MND1: variants seen among roughly 807,000 people sequenced by gnomAD.
MND1 encodes meiotic nuclear divisions 1, also known as meiotic nuclear division protein 1 homolog.
A neutral mutation model predicts 35.1 loss-of-function variants in MND1; 28 were observed. The ratio of observed to expected loss-of-function variants is 0.80; its 90% CI spans 0.59 to 1.09. The LOEUF (loss-of-function observed/expected upper bound fraction) is 1.09, where lower values mean the gene tolerates loss of function less well. Among genes scored for constraint, MND1 ranks in the 50% least tolerant of loss-of-function variants. The probability of loss-of-function intolerance (pLI) is 0.00; values close to 1 mark genes in which losing one functional copy is unlikely to be tolerated. For missense variants in MND1, 213 were observed against 239.6 expected, an observed-to-expected ratio of 0.89 and a Z score of 0.73; for synonymous variants, 69 against 70.5, an observed-to-expected ratio of 0.98 and a Z score of 0.11.
intron 4 of MND1, among the ~76,000 whole-genome samples, chr4:153,380,485 A>G (rs940459584): frequency 5.3e-5 from 8 of 152,156 alleles, no homozygotes; most frequent in Non-Finnish European, 1.0e-4. Context: ...TTTATGTCTT[A>G]TTGGCCAGAT....
At chr4:153,414,430 C>T (rs1320279148) in intron 7 of MND1, among the ~76,000 whole-genome samples, 6 of 151,788 alleles carry the variant, frequency 4.0e-5, no homozygotes, top group Admixed American at 6.6e-5. Context: ...TACAGGTGCC[C>T]GCCACCAACC....
chr4:153,405,289 G>A lies in MND1; in HGVS notation c.467-3682G>A, dbSNP rs1487190728. On this transcript the variant is annotated intron_variant, in intron 6 of 7. Coordinates refer to ENST00000240488, the MANE Select transcript of MND1 (RefSeq NM_032117.4). ...ATGGTAGTGGTATGAGAATAGACAT[G>A]CACACTTCGGGAAGCTGAGGCGGGT... Among the ~76,000 whole-genome samples the A allele has an allele frequency of 3.9e-5, 6 of 152,032 alleles. No individual in the cohort carries two copies. The East Asian group carries it at 9.7e-4, about 24-fold the overall frequency.
intron 4 of MND1, among the ~76,000 whole-genome samples, chr4:153,365,420 T>G (rs997797314): frequency 6.6e-6 from 1 of 152,186 alleles, no homozygotes; most frequent in African/African-American, 2.4e-5. Flanking sequence ...TACCACTATC[T>G]GTTGTGTGTT....
intron 4 of MND1, among the ~76,000 whole-genome samples, chr4:153,365,177 C>A (rs1773597091): frequency 6.6e-6 from 1 of 151,506 alleles, no homozygotes; most frequent in African/African-American, 2.4e-5. Context: ...GCCTGGGTCA[C>A]GTGTCCACAC....
At chr4:153,376,957 A>G (rs1728527964) in intron 4 of MND1, among the ~76,000 whole-genome samples, 1 of 152,184 alleles carries the variant, frequency 6.6e-6, no homozygotes, top group Non-Finnish European at 1.5e-5. Flanking sequence ...CTTAACAAAA[A>G]CCTTATACTA....
intron 1 of MND1, among the ~76,000 whole-genome samples, chr4:153,349,826 T>C (rs377244295): frequency 6.6e-6 from 1 of 152,242 alleles, no homozygotes; most frequent in Non-Finnish European, 1.5e-5. Flanking sequence ...GTTTACTTTA[T>C]AAATGCTGAA....
intron 6 of MND1, among the ~76,000 whole-genome samples, chr4:153,404,362 T>TC (rs1382841828): frequency 7.2e-6 from 1 of 139,250 alleles, no homozygotes; most frequent in Non-Finnish European, 1.5e-5. Context: ...TTTTTTTTTT[T>TC]CTGTATTTTT....
intron 6 of MND1, among the ~76,000 whole-genome samples, chr4:153,399,889 GATTTTT>G (rs1561077476): frequency 1.5e-4 from 19 of 123,674 alleles, no homozygotes; most frequent in African/African-American, 5.3e-4. Flanking sequence ...TTTTCAGTGA[GATTTTT>G]TTTTTTTTTT....
At chr4:153,402,850 A>C (rs1561078699) in intron 6 of MND1, among the ~76,000 whole-genome samples, 2 of 152,244 alleles carry the variant, frequency 1.3e-5, no homozygotes, top group Non-Finnish European at 2.9e-5. Context: ...CAAACAGTAG[A>C]CTAATCAAAA....
At chr4:153,378,908 A>G (rs1290716357) in intron 4 of MND1, among the ~76,000 whole-genome samples, 1 of 152,198 alleles carries the variant, frequency 6.6e-6, no homozygotes, top group African/African-American at 2.4e-5. Context: ...ATAAGTGTCT[A>G]TAGATTAAAC....
intron 4 of MND1, among the ~76,000 whole-genome samples, chr4:153,374,592 A>T (rs1728444667): frequency 6.6e-6 from 1 of 151,706 alleles, no homozygotes; most frequent in Non-Finnish European, 1.5e-5. Flanking sequence ...ACTTCCCTTG[A>T]GTTTCTTGTT....
At chr4:153,355,230 G>T (rs757311682) in intron 2 of MND1, among the ~76,000 whole-genome samples, 11 of 152,080 alleles carry the variant, frequency 7.2e-5, no homozygotes, top group Non-Finnish European at 1.5e-4. Context: ...TCTATTGAAG[G>T]TATGGAATGA....
At chr4:153,370,254 C>T (rs1439127960) in intron 4 of MND1, among the ~76,000 whole-genome samples, 1 of 151,968 alleles carries the variant, frequency 6.6e-6, no homozygotes, top group Non-Finnish European at 1.5e-5. Flanking sequence ...TGCGCTCCAG[C>T]CTGGGTAACA....
intron 2 of MND1, among the ~76,000 whole-genome samples, chr4:153,350,615 A>G (rs1773190489): frequency 6.6e-6 from 1 of 152,130 alleles, no homozygotes; most frequent in South Asian, 2.1e-4. Context: ...TTTATTCCAG[A>G]TATTTGTGCC....
intron 2 of MND1, among the ~76,000 whole-genome samples, chr4:153,350,797 C>T (rs552142467): frequency 2.6e-5 from 4 of 152,100 alleles, no homozygotes; most frequent in South Asian, 2.1e-4. Flanking sequence ...AAAAGAACAC[C>T]GACTTCATAT....
chr4:153,360,257 T>C (rs1212402840), intron 4 of MND1, among the ~76,000 whole-genome samples: 4 of 152,244 alleles, frequency 2.6e-5, no homozygotes, highest in Non-Finnish European at 5.9e-5. Flanking sequence ...AGATTTCCTC[T>C]GAGTCTGTGA....
chr4:153,366,265 C>A (rs79964729), intron 4 of MND1, among the ~76,000 whole-genome samples: 1 of 152,158 alleles, frequency 6.6e-6, no homozygotes, highest in Non-Finnish European at 1.5e-5. Context: ...ATCTCAAGAT[C>A]TTGAATCCCA....
At chr4:153,370,632 G>A (rs537971302) in intron 4 of MND1, among the ~76,000 whole-genome samples, 15 of 152,122 alleles carry the variant, frequency 9.9e-5, no homozygotes, top group African/African-American at 3.6e-4. Context: ...TGATTCTCTG[G>A]TCTCAGCCTC....
At chr4:153,353,555 G>A (rs1031229378) in intron 2 of MND1, among the ~76,000 whole-genome samples, 1 of 150,354 alleles carries the variant, frequency 6.7e-6, no homozygotes, top group East Asian at 1.9e-4. Context: ...TATGTTTTGC[G>A]ATTATTTTAA....
Sources: gnomAD v4.1 joint callset for allele counts (sites outside exome capture counted in the v4.1 genomes callset) on GRCh38, gnomAD v4.1.1 for gene constraint, MANE v1.5 for transcripts, NCBI Gene and HGNC (gene_info 2026-07-23, HGNC 2026-07-21) for gene names.